EFR3A: variants seen among roughly 807,000 people sequenced by gnomAD.
The protein encoded by EFR3A is protein EFR3 homolog A.
EFR3A carries 76 observed loss-of-function variants against 104.4 expected under a neutral mutation model. The ratio of observed to expected loss-of-function variants is 0.73; its 90% CI spans 0.60 to 0.88. The LOEUF is 0.88. Among genes scored for constraint, EFR3A ranks in the 40% least tolerant of loss-of-function variants. EFR3A has a pLI of 0.00. For missense variants in EFR3A, 985 were observed against 1,012.5 expected (o/e 0.97, Z 0.37); for synonymous variants, 330 against 330.0 (o/e 1.00, Z 0.00).
At chr8:131,992,812 T>C (rs1194171526) in intron 18 of EFR3A, among the ~76,000 whole-genome samples, 1 of 152,072 alleles carries the variant, frequency 6.6e-6, no homozygotes, top group Non-Finnish European at 1.5e-5. Context: ...AAGGTTGAAG[T>C]TACTGTTGGT....
rs565714375 is a variant in EFR3A at position 131,970,549 on chromosome 8, T to A, written c.1065T>A (p.Asp355Glu). The A allele has an allele frequency of 5.0e-6, 8 of 1,613,872 alleles. No individual in the cohort carries two copies. In the East Asian group the frequency reaches 1.8e-4, roughly 36 times the overall value. Residue 355 changes from aspartate to glutamate, a missense_variant, in exon 10 of 23, where the codon GAT (aspartate) becomes GAA (glutamate). Transcript: ENST00000254624. ...LRLSVEFEANDLQGGSVGSVN... is the reference protein window; with the variant it reads ...LRLSVEFEANELQGGSVGSVN... Reference sequence around the variant, plus strand: ...TCAGCGTTGAATTCGAAGCAAATGATTTACAGGGGGGATCTGTAGGCAGTG... The same window carrying A: ...TCAGCGTTGAATTCGAAGCAAATGAATTACAGGGGGGATCTGTAGGCAGTG...
At chr8:131,935,365 T>G (rs1817821759) in intron 1 of EFR3A, 1 of 251,196 alleles carries the variant, frequency 4.0e-6, no homozygotes, top group Admixed American at 5.2e-5. Context: ...GGGCTTTGCA[T>G]TTGAGGAATT....
intron 16 of EFR3A, 81 bp from the exon 17 acceptor site, chr8:131,986,113 T>A (rs975409516): frequency 3.9e-5 from 23 of 588,842 alleles, no homozygotes; most frequent in Non-Finnish European, 5.8e-5. Context: ...TGTTTTTTTT[T>A]AAGCTGTTTT....
intron 14 of EFR3A, among the ~76,000 whole-genome samples, chr8:131,983,353 A>G (rs1820713839): frequency 6.6e-6 from 1 of 152,152 alleles, no homozygotes. Flanking sequence ...TGGGGAGGGC[A>G]AGAGCATGGT....
At chr8:131,920,622 T>G (rs1324138916) in intron 1 of EFR3A, among the ~76,000 whole-genome samples, 1 of 152,172 alleles carries the variant, frequency 6.6e-6, no homozygotes, top group Non-Finnish European at 1.5e-5. Context: ...AATTGTATAA[T>G]TTTTTGGCAG....
intron 8 of EFR3A, among the ~76,000 whole-genome samples, chr8:131,965,916 A>G (rs1586618080): frequency 6.6e-6 from 1 of 152,158 alleles, no homozygotes. Flanking sequence ...TTGTAGGGAC[A>G]TGGATGAAAT....
intron 18 of EFR3A, among the ~76,000 whole-genome samples, chr8:131,989,980 G>C (rs879543703): frequency 6.6e-6 from 1 of 152,204 alleles, no homozygotes. Context: ...GTACTGCTTT[G>C]TGAGGGGAAA....
intron 16 of EFR3A, 44 bp downstream of exon 16, chr8:131,985,104 A>G (rs1820810070): frequency 1.3e-6 from 2 of 1,560,416 alleles, no homozygotes; most frequent in African/African-American, 1.4e-5. Flanking sequence ...TTTGTACAAA[A>G]TTGCTAATTT....
At chr8:132,000,350 G>A (rs1030650221) in intron 19 of EFR3A, among the ~76,000 whole-genome samples, 6 of 151,998 alleles carry the variant, frequency 3.9e-5, no homozygotes, top group African/African-American at 1.2e-4. Context: ...GGATGGTCTC[G>A]ATCTCCTGAC....
chr8:131,973,840 A>ATG (rs1820195586), intron 10 of EFR3A, among the ~76,000 whole-genome samples: 1 of 152,130 alleles, frequency 6.6e-6, no homozygotes, highest in Admixed American at 6.5e-5. Flanking sequence ...AGTGAATGAG[A>ATG]TGCTTTTGGT....
chr8:131,926,620 T>A (rs912311507), intron 1 of EFR3A, among the ~76,000 whole-genome samples: 2 of 151,812 alleles, frequency 1.3e-5, no homozygotes, highest in South Asian at 2.1e-4. Context: ...TAAAAAAAAA[T>A]TTTGGAGGGT....
chr8:131,915,995 A>T (rs1276975168), intron 1 of EFR3A, among the ~76,000 whole-genome samples: 2 of 152,178 alleles, frequency 1.3e-5, no homozygotes, highest in Non-Finnish European at 2.9e-5. Context: ...TCTTGGTCTG[A>T]TGGGGAAGAA....
In EFR3A at chr8:131,904,145, C is replaced by G; in HGVS notation, c.-168C>G. On this transcript the variant is annotated 5_prime_UTR_variant, in exon 1 of 23. Transcript: ENST00000254624. ...GGCTGGCGGCGGTAGCTGTCGCCCGCTTGGTTGCGTGACCGCGGGGTCCGC... is the reference window on the plus strand; with the variant it reads ...GGCTGGCGGCGGTAGCTGTCGCCCGGTTGGTTGCGTGACCGCGGGGTCCGC... The G allele has an allele frequency of 6.6e-6, 5 of 762,382 alleles. No individual in the cohort carries two copies. Among genetic ancestry groups the G allele is most frequent in the South Asian group, 6.4e-5 (1 of 15,658 alleles). 47.2% of individuals were successfully genotyped at this position (762,382 alleles called of 1,614,324 possible).
At chr8:131,918,270 G>C (rs1816838494) in intron 1 of EFR3A, among the ~76,000 whole-genome samples, 1 of 152,156 alleles carries the variant, frequency 6.6e-6, no homozygotes, top group South Asian at 2.1e-4. Context: ...CTGGGTGACA[G>C]AGCAAGACTC....
At chr8:131,976,950 A>G (rs931583342) in intron 11 of EFR3A, 91 bp from the exon 12 acceptor site, 80 of 889,252 alleles carry the variant, frequency 9.0e-5, no homozygotes, top group Non-Finnish European at 1.3e-4. Context: ...TATTTAGCCA[A>G]TAAGAATAGA....
At chr8:131,997,089 G>A (rs77749020) in intron 19 of EFR3A, among the ~76,000 whole-genome samples, 3,309 of 152,040 alleles carry the variant, frequency 0.022, 58 homozygotes, top group Middle Eastern at 0.044. Context: ...TTTCAAAAAA[G>A]CACAAGAGTG....
Position 131,953,873 on chromosome 8 carries a change from G to C in EFR3A, c.544G>C (p.Asp182His). 1 of 1,574,692 alleles carries C rather than the reference G, an allele frequency of 6.4e-7. No homozygotes were observed. The highest frequency in any genetic ancestry group is 8.6e-7 in the Non-Finnish European group (1 of 1,158,524). Residue 182 changes from aspartate to histidine, a missense_variant, in exon 6 of 23, where the codon GAT (aspartate) becomes CAT (histidine). Coordinates refer to ENST00000254624, the MANE Select transcript of EFR3A (RefSeq NM_015137.6). ...AGGTGTGGTTCGCAAAACAGTCAAC[G>C]ATGAACTTCGGGCCACCATTTGGGA... ...IQGVVRKTVN[D>H]ELRATIWEPQ...
intron 8 of EFR3A, among the ~76,000 whole-genome samples, chr8:131,963,947 A>G (rs1819548429): frequency 1.3e-5 from 2 of 152,234 alleles, no homozygotes; most frequent in Admixed American, 1.3e-4. Flanking sequence ...AATCCAGCAT[A>G]TAAACAGAAC....
intron 3 of EFR3A, 131 bp downstream of exon 3, chr8:131,945,003 A>G (rs1187403826): frequency 1.9e-6 from 2 of 1,052,430 alleles, no homozygotes; most frequent in South Asian, 1.7e-5. Context: ...TTGTAATATT[A>G]TACAAAGAAA....
Sources: gnomAD v4.1 joint callset for allele counts (sites outside exome capture counted in the v4.1 genomes callset) on GRCh38, gnomAD v4.1.1 for gene constraint, MANE v1.5 for transcripts, NCBI Gene and HGNC (gene_info 2026-07-23, HGNC 2026-07-21) for gene names.